Variants in ALMS1 observed in about 807,000 individuals in gnomAD.
The protein encoded by ALMS1 is centrosome-associated protein ALMS1.
In ALMS1, 271 loss-of-function variants were observed where a neutral mutation model predicts 352.2. That is an observed-to-expected ratio of 0.77 (90% CI 0.70 to 0.85). The LOEUF (loss-of-function observed/expected upper bound fraction) is 0.85, where lower values mean the gene tolerates loss of function less well. Among genes scored for constraint, ALMS1 ranks in the 40% least tolerant of loss-of-function variants. The probability of loss-of-function intolerance (pLI) is 0.00; values close to 1 mark genes in which losing one functional copy is unlikely to be tolerated. For missense variants in ALMS1, 5,445 were observed against 4,870.7 expected (o/e 1.12, Z -3.51); for synonymous variants, 1,865 against 1,761.2 (o/e 1.06, Z -1.48).
intron 13 of ALMS1, 141 bp downstream of exon 13, chr2:73,550,578 A>T: frequency 9.6e-7 from 1 of 1,036,424 alleles, no homozygotes; most frequent in South Asian, 1.7e-5. Flanking sequence ...ATATACAAGA[A>T]GGCAAAATTT....
At chr2:73,466,621 C>T (rs986693925) in intron 9 of ALMS1, among the ~76,000 whole-genome samples, 2 of 151,886 alleles carry the variant, frequency 1.3e-5, no homozygotes, top group East Asian at 3.9e-4. Context: ...TGCACATGTA[C>T]CCTAAAACTT....
chr2:73,568,431 A>G (rs967835716), intron 15 of ALMS1, among the ~76,000 whole-genome samples: 1 of 152,220 alleles, frequency 6.6e-6, no homozygotes, highest in Admixed American at 6.5e-5. Flanking sequence ...AAACGCACAA[A>G]CAAATGTTCA....
intron 15 of ALMS1, among the ~76,000 whole-genome samples, chr2:73,566,924 G>A (rs1022031368): frequency 1.3e-5 from 2 of 152,156 alleles, no homozygotes; most frequent in Admixed American, 6.5e-5. Context: ...CAAAGGATAC[G>A]CACGAACAAC....
chr2:73,461,799 G>A (rs530323348), intron 9 of ALMS1, among the ~76,000 whole-genome samples: 2 of 152,268 alleles, frequency 1.3e-5, no homozygotes, highest in South Asian at 2.1e-4. Flanking sequence ...CGAGAACCAT[G>A]TGAAGAATGC....
intron 9 of ALMS1, chr2:73,458,394 C>T (rs1672117940): frequency 6.6e-6 from 1 of 152,114 alleles, no homozygotes; most frequent in Admixed American, 6.5e-5. Context: ...TTCATTCATT[C>T]CAAAAATACA....
In ALMS1 at chr2:73,453,152, T is replaced by G; in HGVS notation, c.6625T>G (p.Leu2209Val). Residue 2209 changes from leucine (L) to valine (V), a missense_variant, in exon 8 of 23, where the codon TTG becomes GTG. Leu to Val is a conservative substitution (Grantham distance 32). Coordinates refer to ENST00000613296, the MANE Select transcript of ALMS1 (RefSeq NM_001378454.1). ...ACATGTCCAAAGGCTAATAGATAAT[T>G]TGAATTCTTCTGACTCCAGTGTTAG... ...SEHVQRLIDN[L>V]NSSDSSVSSN... is the part of the protein sequence containing the mutation. 6.2e-7 allele frequency: 1 copy of G among 1,614,072 alleles called. No homozygotes were observed. The highest frequency in any genetic ancestry group is 8.5e-7 in the Non-Finnish European group (1 of 1,179,980).
intron 10 of ALMS1, among the ~76,000 whole-genome samples, chr2:73,514,018 C>T (rs961573416): frequency 2.6e-5 from 4 of 152,062 alleles, no homozygotes; most frequent in African/African-American, 9.7e-5. Flanking sequence ...AATAGAAACA[C>T]AGGAGAGGGG....
chr2:73,395,895 C>T (rs964047750), intron 1 of ALMS1, among the ~76,000 whole-genome samples: 1 of 152,028 alleles, frequency 6.6e-6, no homozygotes, highest in Non-Finnish European at 1.5e-5. Context: ...AATCTTTTGG[C>T]TTCTCTGGGC....
At chr2:73,541,889 C>A (rs1324437925) in intron 12 of ALMS1, among the ~76,000 whole-genome samples, 2 of 152,024 alleles carry the variant, frequency 1.3e-5, no homozygotes, top group African/African-American at 4.8e-5. Context: ...GCTTACCAAC[C>A]AAAAAAAGTC....
chr2:73,392,583 C>T (rs72809996), intron 1 of ALMS1, among the ~76,000 whole-genome samples: 2 of 152,286 alleles, frequency 1.3e-5, no homozygotes, highest in South Asian at 2.1e-4. Flanking sequence ...TTGGGCATTT[C>T]ATATAAATGG....
intron 15 of ALMS1, among the ~76,000 whole-genome samples, chr2:73,563,735 AAAAAAT>A (rs1331019526): frequency 7.4e-6 from 1 of 134,468 alleles, no homozygotes; most frequent in East Asian, 2.0e-4. Context: ...AAAAAAAAAA[AAAAAAT>A]AAAAATAAAA....
intron 12 of ALMS1, among the ~76,000 whole-genome samples, chr2:73,548,705 G>T (rs1409585343): frequency 6.6e-6 from 1 of 152,168 alleles, no homozygotes; most frequent in Non-Finnish European, 1.5e-5. Context: ...TTCCATAAAA[G>T]TGCTGTAAGA....
intron 2 of ALMS1, among the ~76,000 whole-genome samples, chr2:73,409,730 A>G (rs1195844033): frequency 6.6e-6 from 1 of 152,190 alleles, no homozygotes; most frequent in African/African-American, 2.4e-5. Flanking sequence ...ATCTATTTAT[A>G]CACATCTGTG....
At chr2:73,548,803 A>G (rs1348641663) in intron 12 of ALMS1, among the ~76,000 whole-genome samples, 3 of 152,212 alleles carry the variant, frequency 2.0e-5, no homozygotes, top group Non-Finnish European at 2.9e-5. Context: ...TCATCAGCAT[A>G]TACCTTGGTG....
chr2:73,388,450 G>T (rs1670582450), intron 1 of ALMS1, among the ~76,000 whole-genome samples: 2 of 151,976 alleles, frequency 1.3e-5, no homozygotes, highest in Non-Finnish European at 1.5e-5. Context: ...CCTCCTTCTG[G>T]AGCCCCCAGT....
chr2:73,398,474 T>C (rs1670810843), intron 1 of ALMS1, among the ~76,000 whole-genome samples: 1 of 152,194 alleles, frequency 6.6e-6, no homozygotes, highest in Non-Finnish European at 1.5e-5. Flanking sequence ...TTCATTGATG[T>C]GTATTAAAAA....
intron 16 of ALMS1, among the ~76,000 whole-genome samples, chr2:73,579,422 G>A (rs995710933): frequency 2.1e-5 from 3 of 145,504 alleles, no homozygotes; most frequent in East Asian, 2.1e-4. Flanking sequence ...GTACAGTGGC[G>A]TGATCTTGGC....
At chr2:73,460,719 A>T (rs1378240015) in intron 9 of ALMS1, among the ~76,000 whole-genome samples, 1 of 152,248 alleles carries the variant, frequency 6.6e-6, no homozygotes, top group Non-Finnish European at 1.5e-5. Context: ...CGGCACCTGG[A>T]AAATCGCATC....
chr2:73,539,132 C>G (rs1184218201), intron 12 of ALMS1, among the ~76,000 whole-genome samples: 2 of 152,176 alleles, frequency 1.3e-5, no homozygotes, highest in East Asian at 3.8e-4. Context: ...GGAGGCACCC[C>G]CCAGGAGGGG....
Sources: gnomAD v4.1 joint callset for allele counts (sites outside exome capture counted in the v4.1 genomes callset) on GRCh38, gnomAD v4.1.1 for gene constraint, MANE v1.5 for transcripts, NCBI Gene and HGNC (gene_info 2026-07-23, HGNC 2026-07-21) for gene names.